ZNF253: variants seen among roughly 807,000 people sequenced by gnomAD.
ZNF253 encodes the protein DNA-binding protein.
A neutral mutation model predicts 11.9 loss-of-function variants in ZNF253; 8 were observed. The observed-to-expected ratio is 0.67, with a 90% confidence interval of 0.40 to 1.22. The LOEUF (loss-of-function observed/expected upper bound fraction) is 1.22, where lower values mean the gene tolerates loss of function less well. ZNF253 is among the 50% of genes most tolerant of loss of function. The pLI is 0.01. For missense variants in ZNF253, 485 were observed against 586.9 expected, an observed-to-expected ratio of 0.83 and a Z score of 1.79; for synonymous variants, 194 against 194.9, an observed-to-expected ratio of 1.00 and a Z score of 0.04.
rs182933895 is a variant in ZNF253, at chr19:19,874,890, C to T, written c.4-3591C>T. 5.7e-4 allele frequency among the ~76,000 whole-genome samples: 86 copies of T among 152,172 alleles called. No individual in the cohort carries two copies. In the East Asian group the frequency reaches 0.014, roughly 25 times the overall value. ...TCGCGCCACTGCACTCCAGCCTGGG[C>T]GACAGAGAGACTCCATCTCAAACAA... is the stretch of plus-strand genomic sequence containing the variant. On this transcript the variant is annotated intron_variant, in intron 1 of 3. Coordinates refer to ENST00000589717, the MANE Select transcript of ZNF253 (RefSeq NM_021047.3).
intron 1 of ZNF253, among the ~76,000 whole-genome samples, chr19:19,869,008 A>G (rs1233024627): frequency 6.6e-6 from 1 of 152,050 alleles, no homozygotes; most frequent in African/African-American, 2.4e-5. Flanking sequence ...GTACTTCAGA[A>G]TTATTGCTTT....
Position 19,880,225 on chromosome 19 carries a change from A to T in ZNF253, c.226+79A>T, listed in dbSNP as rs946582473. Reference sequence around the variant, plus strand: ...GTCAAAGAGAAAACCAGTCTTTAAAATGTGATTCTGGAAGCTGTGTTCCAA... The same window carrying T: ...GTCAAAGAGAAAACCAGTCTTTAAATTGTGATTCTGGAAGCTGTGTTCCAA... On this transcript the variant is annotated intron_variant, in intron 3 of 3. Transcript: ENST00000589717. The T allele has an allele frequency of 5.6e-6, 6 of 1,073,746 alleles. No individual in the cohort carries two copies. In the African/African-American group the frequency reaches 8.3e-5, roughly 15 times the overall value. 66.5% of individuals were successfully genotyped at this position (1,073,746 alleles called of 1,614,324 possible).
intron 1 of ZNF253, chr19:19,871,178 C>T (rs2063132445): frequency 1.3e-5 from 2 of 152,270 alleles, no homozygotes; most frequent in South Asian, 4.1e-4. Flanking sequence ...TTTTCCTTGT[C>T]ACCATTACAA....
At position 19,891,630 on chromosome 19, in the gene ZNF253, G is replaced by A; in HGVS notation, c.383G>A (p.Gly128Asp). ...GGTGAGCATAAGGTGCACAAAGGAG[G>A]TTATAATGGACTTAACCAATGTTTG... is the stretch of plus-strand genomic sequence containing the variant. Reference protein sequence around the residue: ...SVGEHKVHKGGYNGLNQCLTT... With the variant: ...SVGEHKVHKGDYNGLNQCLTT... The change falls in exon 4 of 4, where the codon GGT becomes GAT. Residue 128 changes from glycine (G) to aspartate (D), a missense_variant. Physicochemically the swap from Gly to Asp is moderately conservative, Grantham distance 94. This residue lies in a region of ZNF253 where 218 missense variants were observed against 213.1 expected (regional missense o/e 1.02). Coordinates refer to ENST00000589717, the MANE Select transcript of ZNF253 (RefSeq NM_021047.3). 1 of 1,614,038 alleles carries A rather than the reference G, an allele frequency of 6.2e-7. No homozygotes were observed.
rs1216897432 is a variant in ZNF253, at chr19:19,893,179, T to C, written c.*432T>C. 1 of 166,466 alleles carries C rather than the reference T, an allele frequency of 6.0e-6. No individual in the cohort carries two copies. The highest frequency in any genetic ancestry group is 5.7e-5 in the Admixed American group (1 of 17,566). 10.3% of individuals were successfully genotyped at this position (166,466 alleles called of 1,614,324 possible). ...TTTTAGTAGAGATGGGGTTTCACAA[T>C]GTTGGCCAGGCTGGTCTCGAACTCC... On this transcript the variant is annotated 3_prime_UTR_variant, in exon 4 of 4. Coordinates refer to ENST00000589717, the MANE Select transcript of ZNF253 (RefSeq NM_021047.3).
At chr19:19,877,160 G>A (rs572251409) in intron 1 of ZNF253, among the ~76,000 whole-genome samples, 2 of 152,094 alleles carry the variant, frequency 1.3e-5, no homozygotes, top group Non-Finnish European at 2.9e-5. Context: ...AAAAGGGATG[G>A]CAGTTATTAC....
intron 1 of ZNF253, among the ~76,000 whole-genome samples, chr19:19,868,573 T>C (rs2063120533): frequency 6.6e-6 from 1 of 152,096 alleles, no homozygotes; most frequent in African/African-American, 2.4e-5. Flanking sequence ...TTTTTTATAA[T>C]ATCTTTCTCT....
chr19:19,866,507 T>TC (rs890921173), intron 1 of ZNF253, among the ~76,000 whole-genome samples: 2 of 151,568 alleles, frequency 1.3e-5, no homozygotes, highest in Non-Finnish European at 2.9e-5. Context: ...GAAGGTTTTT[T>TC]TTTTTTTTGA....
intron 3 of ZNF253, among the ~76,000 whole-genome samples, chr19:19,889,295 T>C (rs2063219264): frequency 6.6e-6 from 1 of 152,136 alleles, no homozygotes; most frequent in East Asian, 1.9e-4. Flanking sequence ...AGTAGTCGTC[T>C]GTGTTCCTAT....
At chr19:19,880,645 C>T (rs533292108) in intron 3 of ZNF253, among the ~76,000 whole-genome samples, 1 of 151,104 alleles carries the variant, frequency 6.6e-6, no homozygotes, top group African/African-American at 2.4e-5. Flanking sequence ...GTGGAGGTTG[C>T]AGTGAGCCGA....
At chr19:19,885,235 C>A (rs1373074155) in intron 3 of ZNF253, among the ~76,000 whole-genome samples, 1 of 58,978 alleles carries the variant, frequency 1.7e-5, no homozygotes, top group Non-Finnish European at 2.7e-5. Flanking sequence ...TTCTTTCTTT[C>A]TTTCTTTCTT....
intron 1 of ZNF253, among the ~76,000 whole-genome samples, chr19:19,866,206 T>A (rs954948739): frequency 3.3e-5 from 5 of 152,102 alleles, no homozygotes; most frequent in Non-Finnish European, 7.4e-5. Context: ...TGCCCTGGCC[T>A]GGAGCCCTCT....
chr19:19,867,468 C>T (rs2063116541), intron 1 of ZNF253, among the ~76,000 whole-genome samples: 1 of 152,078 alleles, frequency 6.6e-6, no homozygotes, highest in Admixed American at 6.6e-5. Flanking sequence ...TCAAGCAATT[C>T]TCTCCTACCT....
chr19:19,869,854 A>G (rs2063126487), intron 1 of ZNF253, among the ~76,000 whole-genome samples: 1 of 150,826 alleles, frequency 6.6e-6, no homozygotes, highest in South Asian at 2.1e-4. Flanking sequence ...TATTTTTAGT[A>G]GAGACAGGAT....
At chr19:19,884,820 A>G (rs911805644) in intron 3 of ZNF253, among the ~76,000 whole-genome samples, 5 of 152,222 alleles carry the variant, frequency 3.3e-5, no homozygotes, top group African/African-American at 1.2e-4. Flanking sequence ...AAAAAAAATT[A>G]TAGTGGCCAT....
intron 2 of ZNF253, 126 bp downstream of exon 2, chr19:19,878,733 C>G: frequency 1.0e-6 from 1 of 995,188 alleles, no homozygotes; most frequent in Non-Finnish European, 1.4e-6. Flanking sequence ...GCCACTGCGC[C>G]TGGCCATATT....
rs544801483 is a variant in ZNF253 at position 19,867,103 on chromosome 19, G to T, written c.3+1104G>T. Among the ~76,000 whole-genome samples the T allele has an allele frequency of 3.3e-5, 5 of 152,276 alleles. No individual in the cohort carries two copies. The East Asian group carries it at 9.7e-4, about 29-fold the overall frequency. ...CGCCTGTAATAACAACACTTCAGGA[G>T]GTCGAGGTGGATGGATCACTTGAGG... is the stretch of plus-strand genomic sequence containing the variant. On this transcript the variant is annotated intron_variant, in intron 1 of 3. Coordinates refer to ENST00000589717, the MANE Select transcript of ZNF253 (RefSeq NM_021047.3).
rs751003238 is a variant in ZNF253, at chr19:19,880,164, C to T, written c.226+18C>T. 32 of 1,557,060 alleles carry T rather than the reference C, an allele frequency of 2.1e-5. No homozygotes were observed. Among genetic ancestry groups the T allele is most frequent in the East Asian group, 2.3e-5 (1 of 43,020 alleles). Reference sequence around the variant, plus strand: ...ACCCCCAGGTAGGTACGAGTGAAAACGAATACAACAGATGACACAGATAAA... The same window carrying T: ...ACCCCCAGGTAGGTACGAGTGAAAATGAATACAACAGATGACACAGATAAA... On this transcript the variant is annotated intron_variant, in intron 3 of 3. Transcript: ENST00000589717.
chr19:19,891,582 T>TA lies in ZNF253; in HGVS notation c.342dup (p.Gly115ArgfsTer3). On this transcript the variant is annotated frameshift_variant, in exon 4 of 4. Transcript: ENST00000589717. LOFTEE classifies it low-confidence loss of function (END_TRUNC). ...GAATGCAGACATGACAATTTACAGT[T>TA]AAAAAAAGGCTGTAAAAGCGTGGGT... 2.5e-6 allele frequency: 4 copies of TA among 1,613,982 alleles called. No individual in the cohort carries two copies. Among genetic ancestry groups the TA allele is most frequent in the East Asian group, 2.2e-5 (1 of 44,862 alleles).
Sources: gnomAD v4.1 joint callset for allele counts (sites outside exome capture counted in the v4.1 genomes callset) on GRCh38, gnomAD v4.1.1 for gene constraint, gnomAD v4.1.1 regional missense constraint, MANE v1.5 for transcripts, NCBI Gene and HGNC (gene_info 2026-07-23, HGNC 2026-07-21) for gene names.